GTF2H5: variants seen among roughly 807,000 people sequenced by gnomAD.
GTF2H5 encodes general transcription factor IIH subunit 5.
GTF2H5 carries 5 observed loss-of-function variants against 7.1 expected under a neutral mutation model. The ratio of observed to expected loss-of-function variants is 0.71; its 90% confidence interval spans 0.37 to 1.49. The LOEUF (loss-of-function observed/expected upper bound fraction) is 1.49, where lower values mean the gene tolerates loss of function less well. GTF2H5 is among the 40% of genes most tolerant of loss of function. The pLI is 0.03. For missense variants in GTF2H5, 80 were observed against 83.0 expected (o/e 0.96, Z 0.14); for synonymous variants, 30 against 31.7 (o/e 0.95, Z 0.18).
At chr6:158,191,898 T>C (rs1456364828) in intron 2 of GTF2H5, 79 bp from the exon 3 acceptor site, 2 of 1,101,096 alleles carry the variant, frequency 1.8e-6, no homozygotes, top group Non-Finnish European at 2.8e-6. Flanking sequence ...AAATTCTACA[T>C]GTTCACATTT....
chr6:158,169,688 A>ATATATTATATATTATATTG (rs1785789518), intron 1 of GTF2H5, among the ~76,000 whole-genome samples: 1 of 49,864 alleles, frequency 2.0e-5, no homozygotes, highest in African/African-American at 1.6e-4. Flanking sequence ...AATATATAAT[A>ATATATTATATATTATATTG]TATATTATAT....
chr6:158,177,121 G>A (rs965121156), intron 2 of GTF2H5, among the ~76,000 whole-genome samples: 33 of 152,202 alleles, frequency 2.2e-4, no homozygotes, highest in Non-Finnish European at 1.8e-4. Context: ...ATTTTGGGGT[G>A]CCTGTTCCCA....
intron 2 of GTF2H5, among the ~76,000 whole-genome samples, chr6:158,176,604 A>C (rs1785937337): frequency 6.6e-6 from 1 of 152,322 alleles, no homozygotes; most frequent in South Asian, 2.1e-4. Context: ...TTTGTAATTG[A>C]AATAGTAAAT....
rs780071627 is a variant in GTF2H5 at position 158,192,530 on chromosome 6, C to T, written c.*373C>T. The T allele has an allele frequency of 1.1e-5, 3 of 264,972 alleles. No homozygotes were observed. The highest frequency in any genetic ancestry group is 4.3e-5 in the South Asian group (1 of 23,104). The allele number at this position is 264,972 out of a possible 1,614,324, so 16.4% of individuals were successfully genotyped here. ...GTGATTGTTTGGTTTCAGTTAGAAACGTCATAGATTTGCTGTTTGAATATG... is the reference window on the plus strand; with the variant it reads ...GTGATTGTTTGGTTTCAGTTAGAAATGTCATAGATTTGCTGTTTGAATATG... On this transcript the variant is annotated 3_prime_UTR_variant, in exon 3 of 3. Transcript: ENST00000607778.
In GTF2H5 at chr6:158,172,925, C is replaced by T. The variant is rs150689883; in HGVS notation, c.35+2387C>T. 1.7e-4 allele frequency among the ~76,000 whole-genome samples: 26 copies of T among 152,268 alleles called. 2 individuals are homozygous for T. The South Asian group carries it at 1.9e-3, about 11-fold the overall frequency. ...GGGGAGACTCTGAAGTCTCAGTGCCCGGTTTGCTGTCCCGTATCTAACCTC... is the reference window on the plus strand; with the variant it reads ...GGGGAGACTCTGAAGTCTCAGTGCCTGGTTTGCTGTCCCGTATCTAACCTC... On this transcript the variant is annotated intron_variant, in intron 2 of 2. Coordinates refer to ENST00000607778, the MANE Select transcript of GTF2H5 (RefSeq NM_207118.3).
intron 1 of GTF2H5, among the ~76,000 whole-genome samples, chr6:158,169,305 TATATA>T (rs1281964265): frequency 2.4e-5 from 3 of 125,706 alleles, no homozygotes; most frequent in Non-Finnish European, 4.8e-5. Context: ...TTATATATAA[TATATA>T]ATATGTATAT....
At chr6:158,172,549 C>T (rs1189630176) in intron 2 of GTF2H5, among the ~76,000 whole-genome samples, 2 of 152,160 alleles carry the variant, frequency 1.3e-5, no homozygotes, top group African/African-American at 4.8e-5. Context: ...CCACCTGCCC[C>T]GGCCTCCCAA....
chr6:158,169,771 T>C, intron 1 of GTF2H5, among the ~76,000 whole-genome samples: 1 of 90,822 alleles, frequency 1.1e-5, no homozygotes, highest in East Asian at 5.3e-4. Context: ...ATATTATATA[T>C]AATATATTGT....
chr6:158,180,439 G>A (rs1321556980), intron 2 of GTF2H5, among the ~76,000 whole-genome samples: 1 of 152,204 alleles, frequency 6.6e-6, no homozygotes, highest in Non-Finnish European at 1.5e-5. Context: ...AGTTTCGGAA[G>A]GAATGGTACC....
intron 2 of GTF2H5, among the ~76,000 whole-genome samples, chr6:158,176,121 T>G (rs1280704975): frequency 6.6e-6 from 1 of 152,226 alleles, no homozygotes; most frequent in Non-Finnish European, 1.5e-5. Context: ...GTTACATAGC[T>G]ATTGTTAAAC....
intron 1 of GTF2H5, among the ~76,000 whole-genome samples, chr6:158,169,579 A>ATATAATGTATAT (rs1785764935): frequency 1.1e-5 from 1 of 91,018 alleles, no homozygotes; most frequent in African/African-American, 4.5e-5. Flanking sequence ...ATTGTATATT[A>ATATAATGTATAT]TATATAATAT....
At chr6:158,180,852 GT>G (rs1329372833) in intron 2 of GTF2H5, among the ~76,000 whole-genome samples, 1 of 144,488 alleles carries the variant, frequency 6.9e-6, no homozygotes. Flanking sequence ...TTTTTGAAGG[GT>G]TTTTTTGTCT....
chr6:158,189,267 A>G (rs985311756), intron 2 of GTF2H5, among the ~76,000 whole-genome samples: 3 of 152,008 alleles, frequency 2.0e-5, no homozygotes, highest in Admixed American at 6.6e-5. Context: ...ACCCCCAGTT[A>G]TCAATCCCAG....
At chr6:158,169,699 A>AATATATTGTATATTATATATTATATAAT (rs1785793978) in intron 1 of GTF2H5, among the ~76,000 whole-genome samples, 2 of 88,374 alleles carry the variant, frequency 2.3e-5, no homozygotes, top group Non-Finnish European at 4.0e-5. Flanking sequence ...TATATTATAT[A>AATATATTGTATATTATATATTATATAAT]ATATATTGTA....
chr6:158,176,732 G>T (rs536491270), intron 2 of GTF2H5, among the ~76,000 whole-genome samples: 1 of 152,254 alleles, frequency 6.6e-6, no homozygotes, highest in African/African-American at 2.4e-5. Context: ...AGCCTTCAGA[G>T]CCGAGAGCCC....
In GTF2H5 at chr6:158,195,161, A is replaced by G. The variant is rs1413158767; in HGVS notation, c.*3004A>G. 1 of 151,386 alleles carries G rather than the reference A, an allele frequency of 6.6e-6. No individual in the cohort carries two copies. The highest frequency in any genetic ancestry group is 6.6e-5 in the Admixed American group (1 of 15,228). 9.4% of individuals were successfully genotyped at this position (151,386 alleles called of 1,614,324 possible). ...TATGACTTTTTTTTTTTTTTTAAAT[A>G]AAGTCCTAAAGGTAGCATTAAAATG... On this transcript the variant is annotated 3_prime_UTR_variant, in exon 3 of 3. Transcript: ENST00000607778.
chr6:158,175,009 GATGTGT>G (rs369973283), intron 2 of GTF2H5, among the ~76,000 whole-genome samples: 7 of 77,808 alleles, frequency 9.0e-5, no homozygotes, highest in South Asian at 5.3e-4. Context: ...CTGTGCCTGA[GATGTGT>G]GTGTGTGTGT....
intron 1 of GTF2H5, among the ~76,000 whole-genome samples, chr6:158,169,469 GTATATTA>G (rs1228049381): frequency 1.9e-5 from 1 of 51,708 alleles, no homozygotes; most frequent in African/African-American, 1.1e-4. Flanking sequence ...ATATTATATT[GTATATTA>G]TATATAATAT....
At chr6:158,169,888 T>C (rs1785826390) in intron 1 of GTF2H5, among the ~76,000 whole-genome samples, 1 of 147,056 alleles carries the variant, frequency 6.8e-6, no homozygotes, top group Non-Finnish European at 1.5e-5. Flanking sequence ...GGCTTAGTAG[T>C]GCATGCCTGT....
Sources: allele counts gnomAD v4.1 joint callset (sites outside exome capture counted in the v4.1 genomes callset), GRCh38; gene constraint gnomAD v4.1.1; transcripts MANE v1.5; gene names NCBI Gene and HGNC (gene_info 2026-07-23, HGNC 2026-07-21).